The following VDAC1 variants were observed in gnomAD, a reference collection of about 807,000 sequenced individuals.
VDAC1 encodes the protein voltage dependent anion channel 1, also known as non-selective voltage-gated ion channel VDAC1.
In VDAC1, 10 loss-of-function variants were observed where a neutral mutation model predicts 34.7. The observed-to-expected ratio is 0.29, with a 90% CI of 0.18 to 0.49. The LOEUF (loss-of-function observed/expected upper bound fraction) is 0.49, where lower values mean the gene tolerates loss of function less well. VDAC1 is among the 20% of genes least tolerant of loss of function. The probability of loss-of-function intolerance (pLI) is 0.99; values close to 1 mark genes in which losing one functional copy is unlikely to be tolerated. For missense variants in VDAC1, 230 were observed against 347.9 expected (o/e 0.66, Z 2.69); for synonymous variants, 130 against 136.0 (o/e 0.96, Z 0.30).
At chr5:134,065,661 T>C in the VDAC1 span, among the ~76,000 whole-genome samples, 2 of 152,160 alleles carry the variant, frequency 1.3e-5, no homozygotes, top group African/African-American at 4.8e-5. Flanking sequence ...TAACTTCTAG[T>C]TTTATTTCAT....
At chr5:134,057,927 T>C in the VDAC1 span, among the ~76,000 whole-genome samples, 1 of 152,148 alleles carries the variant, frequency 6.6e-6, no homozygotes, top group Admixed American at 6.5e-5. Flanking sequence ...ACCAAGTTCT[T>C]GCTCTGTCAC....
At chr5:134,043,189 CA>C in the VDAC1 span, among the ~76,000 whole-genome samples, 3 of 152,338 alleles carry the variant, frequency 2.0e-5, no homozygotes, top group East Asian at 5.8e-4. Flanking sequence ...GTGATATAAT[CA>C]ATTTTGACTG....
intron 2 of VDAC1, among the ~76,000 whole-genome samples, chr5:133,992,565 C>T (rs1286564114): frequency 6.6e-6 from 1 of 152,224 alleles, no homozygotes; most frequent in Admixed American, 6.5e-5. Context: ...CCACCTGGGT[C>T]CCACCTGCAC....
At chr5:134,032,045 C>T in the VDAC1 span, among the ~76,000 whole-genome samples, 4 of 145,072 alleles carry the variant, frequency 2.8e-5, no homozygotes, top group Non-Finnish European at 4.5e-5. Flanking sequence ...ATTGCCTGAA[C>T]CCGGGAGGTG....
the VDAC1 span, among the ~76,000 whole-genome samples, chr5:134,032,305 C>T: frequency 6.6e-6 from 1 of 152,006 alleles, no homozygotes; most frequent in East Asian, 1.9e-4. Flanking sequence ...CCATTTCAGA[C>T]TTGTGGCCCA....
chr5:134,007,252 A>G (rs1753771489), upstream of VDAC1, among the ~76,000 whole-genome samples: 1 of 151,066 alleles, frequency 6.6e-6, no homozygotes, highest in East Asian at 1.9e-4. Flanking sequence ...CAAAAAAAAA[A>G]AAAAAGAAAA....
the VDAC1 span, among the ~76,000 whole-genome samples, chr5:134,043,808 C>T: frequency 1.3e-5 from 2 of 152,184 alleles, no homozygotes; most frequent in Non-Finnish European, 2.9e-5. Context: ...GCTGGGACTA[C>T]AGGTGTGAGC....
At chr5:134,028,128 A>ATATT in the VDAC1 span, among the ~76,000 whole-genome samples, 2,877 of 149,278 alleles carry the variant, frequency 0.019, 56 homozygotes, top group African/African-American at 0.053. Context: ...ATACATTTAT[A>ATATT]TATTTATTTA....
chr5:133,992,244 A>G, intron 3 of VDAC1, 62 bp downstream of exon 3: 1 of 1,227,298 alleles, frequency 8.1e-7, no homozygotes, highest in East Asian at 3.1e-5. Flanking sequence ...CTCAAAAATA[A>G]ATAAATAAAA....
At chr5:133,988,641 G>C (rs1312973234) in intron 5 of VDAC1, 3 of 152,224 alleles carry the variant, frequency 2.0e-5, no homozygotes, top group Admixed American at 6.6e-5. Context: ...GCCCGTGTCT[G>C]TAGTCCCAGC....
At chr5:134,067,987 G>A in the VDAC1 span, among the ~76,000 whole-genome samples, 1 of 152,136 alleles carries the variant, frequency 6.6e-6, no homozygotes, top group Non-Finnish European at 1.5e-5. Context: ...TCATGGTGGT[G>A]TGAGCCTGTA....
the VDAC1 span, among the ~76,000 whole-genome samples, chr5:134,033,722 A>G: frequency 6.8e-3 from 1,029 of 151,016 alleles, 5 homozygotes; most frequent in South Asian, 0.027. Flanking sequence ...GCCGGGTGCG[A>G]TGGCTCACGC....
At chr5:134,066,142 T>G in the VDAC1 span, among the ~76,000 whole-genome samples, 1 of 152,032 alleles carries the variant, frequency 6.6e-6, no homozygotes, top group Admixed American at 6.6e-5. Context: ...AGTCTCGCTC[T>G]GTTGCCCAGG....
intron 1 of VDAC1, among the ~76,000 whole-genome samples, chr5:134,002,555 A>G (rs1449430171): frequency 6.6e-6 from 1 of 152,224 alleles, no homozygotes; most frequent in Non-Finnish European, 1.5e-5. Flanking sequence ...AATGAAGACG[A>G]TGTGTTTAAA....
chr5:133,973,239 G>A lies in VDAC1; in HGVS notation c.761-377C>T, dbSNP rs138875004. Among the ~76,000 whole-genome samples the A allele has an allele frequency of 2.0e-3, 303 of 152,282 alleles. 1 individual carries two copies. The highest frequency in any genetic ancestry group is 3.8e-3 in the Admixed American group (58 of 15,306). On this transcript the variant is annotated intron_variant, in intron 8 of 8. Transcript: ENST00000265333. Reference sequence around the variant, plus strand: ...CCAACCTAAGGTCTTACATGTTCATGTTCATAGTGTACACACATGTGTAGT... The same window carrying A: ...CCAACCTAAGGTCTTACATGTTCATATTCATAGTGTACACACATGTGTAGT...
At chr5:134,022,683 G>T in the VDAC1 span, among the ~76,000 whole-genome samples, 1 of 152,314 alleles carries the variant, frequency 6.6e-6, no homozygotes, top group Admixed American at 6.5e-5. Context: ...CGAGGATGGG[G>T]GTGGAGGTAC....
At chr5:134,085,271 T>C in the VDAC1 span, among the ~76,000 whole-genome samples, 1 of 151,948 alleles carries the variant, frequency 6.6e-6, no homozygotes, top group Non-Finnish European at 1.5e-5. Context: ...GGTTTCACCA[T>C]GTTAGCCAGG....
At chr5:133,984,949 TAAAA>T (rs1752852457) in intron 5 of VDAC1, among the ~76,000 whole-genome samples, 1 of 152,046 alleles carries the variant, frequency 6.6e-6, no homozygotes, top group Non-Finnish European at 1.5e-5. Flanking sequence ...AATAAATAAA[TAAAA>T]ATTTAAAAAG....
At chr5:133,996,869 G>C (rs900087576) in intron 1 of VDAC1, among the ~76,000 whole-genome samples, 1 of 152,230 alleles carries the variant, frequency 6.6e-6, no homozygotes, top group Non-Finnish European at 1.5e-5. Flanking sequence ...AAGAGTGGGG[G>C]AGTTGGGGAG....
Sources: gnomAD v4.1 joint callset for allele counts (sites outside exome capture counted in the v4.1 genomes callset) on GRCh38, gnomAD v4.1.1 for gene constraint, MANE v1.5 for transcripts, NCBI Gene and HGNC (gene_info 2026-07-23, HGNC 2026-07-21) for gene names.